MCF2L2: variants seen among roughly 807,000 people sequenced by gnomAD.
The protein encoded by MCF2L2 is MCF.2 cell line derived transforming sequence-like 2.
MCF2L2 carries 102 observed loss-of-function variants against 150.2 expected under a neutral mutation model. The observed-to-expected ratio is 0.68, with a 90% CI of 0.58 to 0.80. MCF2L2 has a LOEUF of 0.80. MCF2L2 is among the 30% of genes least tolerant of loss of function. The pLI is 0.00. For synonymous variants in MCF2L2, 465 were observed against 491.3 expected (o/e 0.95, Z 0.71); for missense variants, 1,256 against 1,372.8 (o/e 0.91, Z 1.34).
intron 1 of MCF2L2, 121 bp downstream of exon 1, chr3:183,427,781 G>A: frequency 2.4e-6 from 2 of 848,132 alleles, no homozygotes; most frequent in Non-Finnish European, 1.9e-6. Context: ...CCAGATGCCG[G>A]GCAACCCCCC....
At chr3:183,313,272 G>A (rs1384001781) in intron 7 of MCF2L2, among the ~76,000 whole-genome samples, 1 of 150,098 alleles carries the variant, frequency 6.7e-6, no homozygotes, top group Non-Finnish European at 1.5e-5. Context: ...CATATGTGAG[G>A]AAGAGTTGGG....
At chr3:183,308,121 G>T (rs1444994155) in intron 10 of MCF2L2, among the ~76,000 whole-genome samples, 3 of 152,002 alleles carry the variant, frequency 2.0e-5, no homozygotes, top group African/African-American at 7.3e-5. Context: ...TTATTTGATT[G>T]CTTTTTAGTG....
At chr3:183,366,434 C>G (rs1266795079) in intron 3 of MCF2L2, among the ~76,000 whole-genome samples, 1 of 152,130 alleles carries the variant, frequency 6.6e-6, no homozygotes, top group African/African-American at 2.4e-5. Context: ...CACCTGAGAT[C>G]AGAAGTTCAA....
chr3:183,397,328 T>C (rs964285157), intron 1 of MCF2L2, among the ~76,000 whole-genome samples: 1 of 152,366 alleles, frequency 6.6e-6, no homozygotes, highest in Admixed American at 6.5e-5. Context: ...TAGTGCATTC[T>C]TGCCGCATCC....
chr3:183,331,019 G>A (rs575877108), intron 5 of MCF2L2, among the ~76,000 whole-genome samples: 4 of 152,150 alleles, frequency 2.6e-5, no homozygotes, highest in Admixed American at 1.3e-4. Flanking sequence ...ACAGGGAAGG[G>A]GTTAGCTGGG....
Position 183,181,419 on chromosome 3 carries a change from G to A in MCF2L2, c.3017-1260C>T, listed in dbSNP as rs1721516838. 6.6e-6 allele frequency among the ~76,000 whole-genome samples: 1 copy of A among 152,056 alleles called. No individual in the cohort carries two copies. The highest frequency in any genetic ancestry group is 2.4e-5 in the African/African-American group (1 of 41,400). On this transcript the variant is annotated intron_variant, in intron 27 of 29. Transcript: ENST00000328913. The surrounding 1 kb of genome is among the most constrained non-coding windows in gnomAD (Gnocchi z 4.3). ...GGGCTGGACACCCTCCTCTCAGGTT[G>A]AAGCAAGTCCTGGTTGAGTTCCTAG...
chr3:183,273,810 T>G (rs1172786625), intron 15 of MCF2L2, among the ~76,000 whole-genome samples: 1 of 152,246 alleles, frequency 6.6e-6, no homozygotes, highest in African/African-American at 2.4e-5. Flanking sequence ...TACAGGTTTC[T>G]AGCCCAGGAG....
chr3:183,310,554 T>A, intron 9 of MCF2L2: 1 of 287,222 alleles, frequency 3.5e-6, no homozygotes, highest in South Asian at 2.9e-5. Flanking sequence ...TTCCAGCTAC[T>A]TGGGAGGCTG....
At chr3:183,300,800 TGAGGTCAG>T (rs1560009433) in intron 10 of MCF2L2, among the ~76,000 whole-genome samples, 1 of 152,032 alleles carries the variant, frequency 6.6e-6, no homozygotes, top group African/African-American at 2.4e-5. Context: ...GCGGATCACC[TGAGGTCAG>T]GAGTTCAAGA....
At chr3:183,336,326 A>G (rs1055303129) in intron 5 of MCF2L2, among the ~76,000 whole-genome samples, 1 of 152,094 alleles carries the variant, frequency 6.6e-6, no homozygotes, top group African/African-American at 2.4e-5. Flanking sequence ...AGGGCATGTG[A>G]TATTCTTTGT....
rs1474494071 is a variant in MCF2L2, at chr3:183,389,789, TGAAATACAAA to T, written c.77-20_77-11del. 2 of 1,609,520 alleles carry T rather than the reference TGAAATACAAA, an allele frequency of 1.2e-6. No individual in the cohort carries two copies. Among genetic ancestry groups the T allele is most frequent in the South Asian group, 2.2e-5 (2 of 90,940 alleles). ...TGCTGCATAATTTCATCTGCACAAA[TGAAATACAAA>T]GTGGGTTAGTTAAACATGTGCAAAT... On this transcript the variant is annotated splice_polypyrimidine_tract_variant and intron_variant, in intron 1 of 29. Coordinates refer to ENST00000328913, the MANE Select transcript of MCF2L2 (RefSeq NM_015078.4).
intron 25 of MCF2L2, among the ~76,000 whole-genome samples, chr3:183,195,617 G>A (rs915007682): frequency 6.6e-6 from 1 of 151,986 alleles, no homozygotes; most frequent in Non-Finnish European, 1.5e-5. Context: ...CTTGATGAGG[G>A]AAAAAATCAT....
chr3:183,301,569 C>T (rs921824215), intron 10 of MCF2L2, among the ~76,000 whole-genome samples: 16 of 152,042 alleles, frequency 1.1e-4, no homozygotes, highest in African/African-American at 2.2e-4. Flanking sequence ...CCGAGGCAGG[C>T]GGATTGCCTG....
chr3:183,194,120 G>A (rs564679502), intron 26 of MCF2L2, among the ~76,000 whole-genome samples: 50 of 152,076 alleles, frequency 3.3e-4, no homozygotes, highest in African/African-American at 1.2e-3. Context: ...CAGAGAGGAG[G>A]GGGAGAAACA....
intron 20 of MCF2L2, among the ~76,000 whole-genome samples, chr3:183,222,616 G>A (rs989521750): frequency 1.3e-5 from 2 of 149,156 alleles, no homozygotes; most frequent in African/African-American, 5.2e-5. Context: ...GTAGGTGCTT[G>A]TTTTTGTTTT....
intron 7 of MCF2L2, 56 bp downstream of exon 7, chr3:183,318,012 G>C: frequency 6.3e-7 from 1 of 1,589,588 alleles, no homozygotes. Flanking sequence ...CTCTCCGAGA[G>C]GCAGGCATAC....
intron 13 of MCF2L2, among the ~76,000 whole-genome samples, chr3:183,290,212 T>C (rs1728046608): frequency 6.6e-6 from 1 of 152,208 alleles, no homozygotes; most frequent in African/African-American, 2.4e-5. Flanking sequence ...TATGATTGTA[T>C]TGTAAGAGGA....
chr3:183,255,394 A>G (rs1172168220), intron 15 of MCF2L2, among the ~76,000 whole-genome samples: 6 of 152,242 alleles, frequency 3.9e-5, no homozygotes, highest in Non-Finnish European at 8.8e-5. Context: ...CTTTGCTTTT[A>G]AAGCAAGCTA....
chr3:183,409,806 T>G (rs573173127), intron 1 of MCF2L2, among the ~76,000 whole-genome samples: 2 of 152,316 alleles, frequency 1.3e-5, no homozygotes, highest in East Asian at 1.9e-4. Flanking sequence ...TCCAGCCACC[T>G]TGGCTTCCCA....
Sources: allele counts gnomAD v4.1 joint callset (sites outside exome capture counted in the v4.1 genomes callset), GRCh38; gene constraint gnomAD v4.1.1; non-coding constraint Gnocchi (gnomAD v3.1); transcripts MANE v1.5; gene names NCBI Gene and HGNC (gene_info 2026-07-23, HGNC 2026-07-21).